PDE3B: variants seen among roughly 807,000 people sequenced by gnomAD.
The protein encoded by PDE3B is cGMP-inhibited 3',5'-cyclic phosphodiesterase 3B.
Under a neutral mutation model 116.8 loss-of-function variants are expected in PDE3B, and 66 were observed. The observed-to-expected ratio is 0.56, with a 90% CI of 0.46 to 0.69. The LOEUF (loss-of-function observed/expected upper bound fraction) is 0.69. PDE3B is among the 30% of genes least tolerant of loss of function. The probability of loss-of-function intolerance (pLI) is 0.00; values close to 1 mark genes in which losing one functional copy is unlikely to be tolerated. For synonymous variants in PDE3B, 595 were observed against 533.6 expected (o/e 1.12, Z -1.59); for missense variants, 1,384 against 1,368.1 (o/e 1.01, Z -0.18).
intron 12 of PDE3B, among the ~76,000 whole-genome samples, chr11:14,849,990 A>G (rs1189022962): frequency 6.6e-6 from 1 of 152,036 alleles, no homozygotes; most frequent in African/African-American, 2.4e-5. Context: ...ATTACTGGGT[A>G]TATACCCAAA....
In PDE3B at chr11:14,787,826, T is replaced by A. The variant is rs185516147; in HGVS notation, c.1278+1141T>A. 6.6e-5 allele frequency among the ~76,000 whole-genome samples: 10 copies of A among 151,976 alleles called. No individual in the cohort carries two copies. In the East Asian group the frequency reaches 1.9e-3, roughly 29 times the overall value. On this transcript the variant is annotated intron_variant, in intron 3 of 15. Coordinates refer to ENST00000282096, the MANE Select transcript of PDE3B (RefSeq NM_000922.4). ...TAACTCTAATGTATTCTTGAGTTAG[T>A]TTTCACTCTATATGTTACTCTTTCT...
downstream of PDE3B, among the ~76,000 whole-genome samples, chr11:14,876,756 G>C (rs1221635528): frequency 1.3e-5 from 2 of 152,126 alleles, no homozygotes; most frequent in Admixed American, 6.6e-5. Flanking sequence ...TTAAGATAAA[G>C]CTGGTATCAT....
chr11:14,697,639 G>T (rs1404420207), intron 1 of PDE3B, among the ~76,000 whole-genome samples: 2 of 152,006 alleles, frequency 1.3e-5, no homozygotes, highest in Non-Finnish European at 2.9e-5. Context: ...ATTTTGATTT[G>T]GTTTGCATTG....
At chr11:14,723,480 A>G (rs1856183971) in intron 1 of PDE3B, among the ~76,000 whole-genome samples, 1 of 152,184 alleles carries the variant, frequency 6.6e-6, no homozygotes, top group African/African-American at 2.4e-5. Context: ...TGGTCCAGGC[A>G]CAGTGGCTCA....
intron 11 of PDE3B, among the ~76,000 whole-genome samples, chr11:14,838,314 A>G (rs1254255926): frequency 6.6e-6 from 1 of 152,152 alleles, no homozygotes; most frequent in East Asian, 1.9e-4. Context: ...TAGGATCATA[A>G]CTTCTGAAAA....
chr11:14,674,266 T>C, intron 1 of PDE3B: 1 of 1,143,208 alleles, frequency 8.7e-7, no homozygotes, highest in Non-Finnish European at 1.3e-6. Flanking sequence ...ACCAGATGTC[T>C]TCTTTCCTGG....
chr11:14,870,121 T>G lies in PDE3B; in HGVS notation c.*461T>G, dbSNP rs1848119758. Reference sequence around the variant, plus strand: ...TGTCTTTGAATGTTTTGGAGAAAAGTCTATGCCTGTCTAAAAATGAATCCA... The same window carrying G: ...TGTCTTTGAATGTTTTGGAGAAAAGGCTATGCCTGTCTAAAAATGAATCCA... On this transcript the variant is annotated 3_prime_UTR_variant, in exon 16 of 16. Coordinates refer to ENST00000282096, the MANE Select transcript of PDE3B (RefSeq NM_000922.4). This position sits in a 1 kb window ranked among gnomAD's most constrained non-coding sequence, Gnocchi z 4.1. 1 of 155,208 alleles carries G rather than the reference T, an allele frequency of 6.4e-6. No homozygotes were observed. The highest frequency in any genetic ancestry group is 6.4e-5 in the Admixed American group (1 of 15,558). The allele number at this position is 155,208 out of a possible 1,614,324, so 9.6% of individuals were successfully genotyped here.
chr11:14,752,540 C>G (rs1160518023), intron 1 of PDE3B, among the ~76,000 whole-genome samples: 7 of 152,134 alleles, frequency 4.6e-5, no homozygotes, highest in Non-Finnish European at 1.5e-5. Context: ...TTTCCCAGCT[C>G]TCTTCTAAAG....
intron 1 of PDE3B, among the ~76,000 whole-genome samples, chr11:14,734,728 G>T (rs200795854): frequency 6.6e-6 from 1 of 151,952 alleles, no homozygotes; most frequent in Non-Finnish European, 1.5e-5. Flanking sequence ...AATTTATTCG[G>T]TGGAAATCTG....
chr11:14,661,474 G>T (rs1461452341), intron 1 of PDE3B, among the ~76,000 whole-genome samples: 1 of 152,204 alleles, frequency 6.6e-6, no homozygotes, highest in Non-Finnish European at 1.5e-5. Flanking sequence ...TGGGTGCAGC[G>T]CACCGTGCAC....
At chr11:14,879,552 T>C in the PDE3B span, 4 of 756,382 alleles carry the variant, frequency 5.3e-6, no homozygotes, top group African/African-American at 1.8e-5. Context: ...CAATAGGATA[T>C]AGATACATCC....
chr11:14,809,107 A>T (rs987101133), intron 5 of PDE3B, among the ~76,000 whole-genome samples: 24 of 152,308 alleles, frequency 1.6e-4, no homozygotes, highest in Middle Eastern at 3.4e-3. Context: ...TTTAAAACTT[A>T]CTACCAGGCT....
chr11:14,784,381 A>G (rs891896423), intron 2 of PDE3B, among the ~76,000 whole-genome samples: 1 of 152,240 alleles, frequency 6.6e-6, no homozygotes, highest in African/African-American at 2.4e-5. Context: ...AGACAAGACA[A>G]TTATACTTAA....
At chr11:14,649,239 C>G (rs1383899477) in intron 1 of PDE3B, among the ~76,000 whole-genome samples, 1 of 152,162 alleles carries the variant, frequency 6.6e-6, no homozygotes, top group Non-Finnish European at 1.5e-5. Flanking sequence ...CCCTAGCACA[C>G]TCTTCTAAGC....
chr11:14,777,215 A>G (rs930438652), intron 2 of PDE3B, among the ~76,000 whole-genome samples: 4 of 152,174 alleles, frequency 2.6e-5, no homozygotes, highest in African/African-American at 9.7e-5. Context: ...TTTACAACAT[A>G]GAGGAAACAG....
At chr11:14,819,076 G>C (rs1353219644) in intron 6 of PDE3B, 60 bp from the exon 7 acceptor site, 2 of 962,964 alleles carry the variant, frequency 2.1e-6, no homozygotes, top group East Asian at 4.9e-5. Flanking sequence ...TTCTAATTGT[G>C]TTCAGGTAAA....
chr11:14,708,887 A>T (rs1221739309), intron 1 of PDE3B, among the ~76,000 whole-genome samples: 1 of 152,130 alleles, frequency 6.6e-6, no homozygotes, highest in Non-Finnish European at 1.5e-5. Context: ...TCTATGCACT[A>T]ATCTTATTTT....
intron 1 of PDE3B, among the ~76,000 whole-genome samples, chr11:14,761,659 A>AT (rs1283439639): frequency 1.1e-4 from 17 of 151,904 alleles, no homozygotes; most frequent in Admixed American, 6.6e-5. Flanking sequence ...GGGGAATCTG[A>AT]TTTTTTTTAA....
intron 1 of PDE3B, among the ~76,000 whole-genome samples, chr11:14,744,543 G>C (rs1379641249): frequency 1.3e-5 from 2 of 152,074 alleles, no homozygotes; most frequent in Non-Finnish European, 2.9e-5. Flanking sequence ...TATTATTTTT[G>C]ATGCCATTGT....
Sources: allele counts gnomAD v4.1 joint callset (sites outside exome capture counted in the v4.1 genomes callset), GRCh38; gene constraint gnomAD v4.1.1; non-coding constraint Gnocchi (gnomAD v3.1); transcripts MANE v1.5; gene names NCBI Gene and HGNC (gene_info 2026-07-23, HGNC 2026-07-21).